Variants in IPO11 observed in about 807,000 individuals in gnomAD.
IPO11 encodes the protein importin-11.
A neutral mutation model predicts 143.2 loss-of-function variants in IPO11; 66 were observed. The observed-to-expected ratio is 0.46, with a 90% CI of 0.38 to 0.57. The LOEUF is 0.57. Among genes scored for constraint, IPO11 ranks in the 20% least tolerant of loss-of-function variants. The pLI is 0.00. For missense variants in IPO11, 1,026 were observed against 1,141.0 expected (o/e 0.90, Z 1.45); for synonymous variants, 385 against 377.8 (o/e 1.02, Z -0.22).
At chr5:62,607,418 G>T (rs1277196395) in intron 29 of IPO11, among the ~76,000 whole-genome samples, 1 of 152,106 alleles carries the variant, frequency 6.6e-6, no homozygotes, top group Non-Finnish European at 1.5e-5. Flanking sequence ...CTGAGAACCA[G>T]TAGATTGATT....
At chr5:62,430,142 A>G (rs750425686) in intron 1 of IPO11, among the ~76,000 whole-genome samples, 2 of 152,164 alleles carry the variant, frequency 1.3e-5, no homozygotes, top group Non-Finnish European at 2.9e-5. Context: ...GTTGCAGTGA[A>G]TATCTGTATA....
intron 26 of IPO11, 144 bp downstream of exon 26, chr5:62,551,480 TA>T (rs1017889495): frequency 1.0e-4 from 50 of 499,230 alleles, no homozygotes; most frequent in African/African-American, 9.2e-4. Context: ...GCTGTATCAA[TA>T]ATTTGGGGTA....
chr5:62,467,631 T>A (rs144089659), intron 6 of IPO11, among the ~76,000 whole-genome samples: 1 of 152,224 alleles, frequency 6.6e-6, no homozygotes, highest in African/African-American at 2.4e-5. Flanking sequence ...CAGGCTGGAA[T>A]GAGCACTGTC....
intron 27 of IPO11, chr5:62,581,017 G>A: frequency 6.4e-7 from 1 of 1,551,054 alleles, no homozygotes. Context: ...GTTGAATGAG[G>A]CTTTTGACAT....
rs1299288843 is a variant in IPO11, at chr5:62,484,120, G to A, written c.1132G>A (p.Glu378Lys). The change falls in exon 11 of 30, where the codon GAA becomes AAA. Residue 378 changes from glutamate (E) to lysine (K), a missense_variant. By Grantham distance (56) the Glu-to-Lys change is moderately conservative. Around this residue, in one of 5 missense-constraint regions of IPO11, gnomAD observed 429 missense variants for 456.3 expected, o/e 0.94. Coordinates refer to ENST00000325324, the MANE Select transcript of IPO11 (RefSeq NM_016338.5). ...AGTCTCTCATTATTTCCTATTAACTGAAGAAGAACTGACAATGTGGGAAGA... is the reference window on the plus strand; with the variant it reads ...AGTCTCTCATTATTTCCTATTAACTAAAGAAGAACTGACAATGTGGGAAGA... ...RLVSHYFLLT[E>K]EELTMWEEDP... 6.2e-7 allele frequency: 1 copy of A among 1,608,352 alleles called. No individual in the cohort carries two copies. Among genetic ancestry groups the A allele is most frequent in the South Asian group, 1.1e-5 (1 of 89,410 alleles).
chr5:62,610,916 C>T (rs1745904330), intron 29 of IPO11, among the ~76,000 whole-genome samples: 1 of 152,084 alleles, frequency 6.6e-6, no homozygotes, highest in Non-Finnish European at 1.5e-5. Flanking sequence ...TGTTAGATAT[C>T]ATTAACTTAT....
intron 1 of IPO11, among the ~76,000 whole-genome samples, chr5:62,435,170 A>ATGTATATATATGTGTATATATGTATATG (rs1744160973): frequency 1.9e-5 from 2 of 103,384 alleles, no homozygotes; most frequent in African/African-American, 7.8e-5. Flanking sequence ...ATGTATATAT[A>ATGTATATATATGTGTATATATGTATATG]TGTATATATG....
chr5:62,440,349 CT>C (rs747340732), intron 2 of IPO11, among the ~76,000 whole-genome samples: 2,875 of 132,118 alleles, frequency 0.022, 56 homozygotes, highest in African/African-American at 0.067. Flanking sequence ...TGTACGTCCC[CT>C]TTTTTTTTTT....
At chr5:62,437,464 C>A (rs1185309161) in intron 2 of IPO11, 47 bp downstream of exon 2, 2 of 1,526,034 alleles carry the variant, frequency 1.3e-6, no homozygotes, top group Non-Finnish European at 1.8e-6. Flanking sequence ...TAAAATGAGA[C>A]AACATTAATT....
intron 3 of IPO11, among the ~76,000 whole-genome samples, chr5:62,444,527 A>G (rs1317353477): frequency 2.6e-5 from 4 of 152,134 alleles, no homozygotes; most frequent in Non-Finnish European, 2.9e-5. Flanking sequence ...ATTGAATTTT[A>G]CGTGTCTGCT....
intron 12 of IPO11, 75 bp downstream of exon 12, chr5:62,485,537 CTA>C: frequency 8.6e-7 from 1 of 1,166,562 alleles, no homozygotes; most frequent in East Asian, 2.4e-5. Context: ...GAATGACACT[CTA>C]TTAAAGATTC....
At chr5:62,538,610 A>C (rs1742818408) in intron 24 of IPO11, among the ~76,000 whole-genome samples, 1 of 152,158 alleles carries the variant, frequency 6.6e-6, no homozygotes. Context: ...AAGTTTCCTG[A>C]GGCCTCCCCA....
At chr5:62,616,126 G>A in intron 29 of IPO11, among the ~76,000 whole-genome samples, 2 of 152,136 alleles carry the variant, frequency 1.3e-5, no homozygotes. Flanking sequence ...AGAAAACAAA[G>A]AGAACATATT....
intron 3 of IPO11, 41 bp downstream of exon 3, chr5:62,443,124 T>G (rs773221356): frequency 2.3e-6 from 3 of 1,300,234 alleles, no homozygotes; most frequent in Non-Finnish European, 3.3e-6. Context: ...GTATAATCCT[T>G]CCCAAATTCA....
intron 24 of IPO11, among the ~76,000 whole-genome samples, chr5:62,548,449 A>G (rs1743283902): frequency 6.6e-6 from 1 of 152,080 alleles, no homozygotes; most frequent in Admixed American, 6.6e-5. Flanking sequence ...AGGTGCCGTA[A>G]TGTAAGTTTA....
chr5:62,454,688 G>A (rs542297131), intron 5 of IPO11, among the ~76,000 whole-genome samples: 1 of 152,252 alleles, frequency 6.6e-6, no homozygotes, highest in Non-Finnish European at 1.5e-5. Context: ...TACTTTCAGT[G>A]TAGTAGTTAC....
At chr5:62,457,915 G>A (rs1325511212) in intron 5 of IPO11, among the ~76,000 whole-genome samples, 2 of 152,122 alleles carry the variant, frequency 1.3e-5, no homozygotes, top group African/African-American at 4.8e-5. Context: ...TTGGGAGGCC[G>A]AGGAGGGCGG....
intron 5 of IPO11, among the ~76,000 whole-genome samples, chr5:62,457,083 G>T (rs1745186534): frequency 1.3e-5 from 2 of 152,156 alleles, no homozygotes; most frequent in South Asian, 2.1e-4. Flanking sequence ...CTGTCTCTGG[G>T]GTGGGGGGGA....
Position 62,526,275 on chromosome 5 carries a change from A to C in IPO11, c.2012+18A>C. ...GAATTATGGTAAGAGGAAAAACTTAATACCATGGATCTTATTTTATTCGTG... is the reference window on the plus strand; with the variant it reads ...GAATTATGGTAAGAGGAAAAACTTACTACCATGGATCTTATTTTATTCGTG... On this transcript the variant is annotated intron_variant, in intron 21 of 29. Coordinates refer to ENST00000325324, the MANE Select transcript of IPO11 (RefSeq NM_016338.5). The C allele has an allele frequency of 6.7e-7, 1 of 1,493,136 alleles. No individual in the cohort carries two copies. The highest frequency in any genetic ancestry group is 9.3e-7 in the Non-Finnish European group (1 of 1,070,420). 92.5% of individuals were successfully genotyped at this position (1,493,136 alleles called of 1,614,324 possible).
Sources: allele counts gnomAD v4.1 joint callset (sites outside exome capture counted in the v4.1 genomes callset), GRCh38; gene constraint gnomAD v4.1.1; regional missense constraint gnomAD v4.1.1; transcripts MANE v1.5; gene names NCBI Gene and HGNC (gene_info 2026-07-23, HGNC 2026-07-21).